The following CD83 variants were observed in gnomAD, a reference collection of about 807,000 sequenced individuals.
The protein encoded by CD83 is CD83 antigen.
Under a neutral mutation model 24.6 loss-of-function variants are expected in CD83, and 22 were observed. The ratio of observed to expected loss-of-function variants is 0.90; its 90% CI spans 0.64 to 1.28. The LOEUF is 1.28. CD83 is among the 50% of genes most tolerant of loss of function. The pLI is 0.00. For synonymous variants in CD83, 101 were observed against 103.5 expected, an observed-to-expected ratio of 0.98 and a Z score of 0.14; for missense variants, 253 against 252.8, an observed-to-expected ratio of 1.00 and a Z score of -0.01.
At chr6:14,133,851 G>A (rs1757982639) in intron 4 of CD83, 96 bp downstream of exon 4, 1 of 813,538 alleles carries the variant, frequency 1.2e-6, no homozygotes, top group Non-Finnish European at 2.0e-6. Flanking sequence ...TTTAATAATG[G>A]TGAGAGAGAT....
chr6:14,118,026 C>T lies in CD83; in HGVS notation c.114C>T (p.Pro38=). The stretch of plus-strand genomic sequence containing the variant: ...ATGTGGACTTGCCCTGCACCGCCCC[C>T]TGGGATCCGCAGGTTCCCTACACGG... ...SEDVDLPCTA[P]WDPQVPYTVS... Residue 38 remains proline, a synonymous_variant, in exon 2 of 5, where the codon CCC becomes CCT. Transcript: ENST00000379153. 6.2e-7 allele frequency: 1 copy of T among 1,610,782 alleles called. No individual in the cohort carries two copies. Among genetic ancestry groups the T allele is most frequent in the Non-Finnish European group, 8.5e-7 (1 of 1,179,110 alleles).
At position 14,129,269 on chromosome 6, in the gene CD83, A is replaced by G. The variant is rs1191042173; in HGVS notation, c.154-2251A>G. Among the ~76,000 whole-genome samples, 1 of 152,220 alleles carries G rather than the reference A, an allele frequency of 6.6e-6. No individual in the cohort carries two copies. Among genetic ancestry groups the G allele is most frequent in the African/African-American group, 2.4e-5 (1 of 41,458 alleles). ...AAACTGGCCTTTCAGGCCATCCTAG[A>G]CACAGATTGGCCCTGGATGGGCCTC... On this transcript the variant is annotated intron_variant, in intron 2 of 4. Coordinates refer to ENST00000379153, the MANE Select transcript of CD83 (RefSeq NM_004233.4). This position sits in a 1 kb window ranked among gnomAD's most constrained non-coding sequence, Gnocchi z 4.3.
intron 2 of CD83, among the ~76,000 whole-genome samples, chr6:14,121,762 G>A (rs1298061376): frequency 3.9e-5 from 6 of 152,026 alleles, no homozygotes; most frequent in Non-Finnish European, 8.8e-5. Flanking sequence ...AAAGGGCATA[G>A]CACAATATCA....
At chr6:14,120,639 A>T (rs1181414062) in intron 2 of CD83, among the ~76,000 whole-genome samples, 1 of 152,234 alleles carries the variant, frequency 6.6e-6, no homozygotes. Flanking sequence ...CACCAGATTG[A>T]AGCACATTCT....
Position 14,136,701 on chromosome 6 carries a change from T to G in CD83, c.*1465T>G, listed in dbSNP as rs1215505803. 1 of 152,218 alleles carries G rather than the reference T, an allele frequency of 6.6e-6. No homozygotes were observed. The highest frequency in any genetic ancestry group is 2.4e-5 in the African/African-American group (1 of 41,442). The allele number at this position is 152,218 out of a possible 1,614,324, so 9.4% of individuals were successfully genotyped here. ...AGAAAGGGTGTTTTTCTGTTTTATA[T>G]TCAACTCATAAGACTTTGGGATAGG... On this transcript the variant is annotated 3_prime_UTR_variant, in exon 5 of 5. Transcript: ENST00000379153.
At position 14,133,710 on chromosome 6, in the gene CD83, G is replaced by C; in HGVS notation, c.444G>C (p.Leu148=). The C allele has an allele frequency of 6.2e-7, 1 of 1,613,664 alleles. No individual in the cohort carries two copies. Among genetic ancestry groups the C allele is most frequent in the Non-Finnish European group, 8.5e-7 (1 of 1,179,634 alleles). The part of the protein sequence containing the change: ...FKKYRAEIVL[L]LALVIFYLTL... ...AATACAGAGCGGAGATTGTCCTGCT[G>C]CTGGCTCTGGTTATTTTCTACTTAA... The change falls in exon 4 of 5, where the codon CTG becomes CTC. Residue 148 remains leucine, a synonymous_variant. Coordinates refer to ENST00000379153, the MANE Select transcript of CD83 (RefSeq NM_004233.4).
chr6:14,133,801 G>T (rs1757981235), intron 4 of CD83, 46 bp downstream of exon 4: 1 of 1,242,658 alleles, frequency 8.0e-7, no homozygotes. Flanking sequence ...AGATTACCCA[G>T]GGCACCAATC....
intron 2 of CD83, among the ~76,000 whole-genome samples, 192 bp downstream of exon 2, chr6:14,118,257 A>T (rs571061732): frequency 6.6e-6 from 1 of 152,238 alleles, no homozygotes; most frequent in African/African-American, 2.4e-5. Flanking sequence ...ACAGGGCCGA[A>T]TTAGGTTTTG....
intron 2 of CD83, among the ~76,000 whole-genome samples, chr6:14,118,283 A>G: frequency 6.6e-6 from 1 of 152,054 alleles, no homozygotes; most frequent in African/African-American, 2.4e-5. Context: ...CGCAGACCTC[A>G]ATCCCCTTCC....
chr6:14,118,228 A>C (rs530440277), intron 2 of CD83, among the ~76,000 whole-genome samples, 163 bp downstream of exon 2: 1 of 151,162 alleles, frequency 6.6e-6, no homozygotes, highest in South Asian at 2.1e-4. Context: ...CGCCTCCCCC[A>C]CCCCATCCGC....
At chr6:14,132,445 T>C (rs1339277087) in intron 3 of CD83, among the ~76,000 whole-genome samples, 2 of 152,216 alleles carry the variant, frequency 1.3e-5, no homozygotes, top group African/African-American at 4.8e-5. Flanking sequence ...ATGGCGATAT[T>C]GCCTACAACT....
chr6:14,117,795 G>C lies in CD83; in HGVS notation c.-17G>C. ...CCACAGCTCTGCAGCTCGTGGCAGC[G>C]GCGCAGCGCTCCAGCCATGTCGCGC... On this transcript the variant is annotated 5_prime_UTR_variant, in exon 1 of 5. Transcript: ENST00000379153. The surrounding 1 kb of genome is among the most constrained non-coding windows in gnomAD (Gnocchi z 4.6). The C allele has an allele frequency of 6.6e-7, 1 of 1,504,484 alleles. No individual in the cohort carries two copies. The allele number at this position is 1,504,484 out of a possible 1,614,324, so 93.2% of individuals were successfully genotyped here.
chr6:14,117,719 C>A (rs1321834520), upstream of CD83: 2 of 913,214 alleles, frequency 2.2e-6, no homozygotes, highest in Non-Finnish European at 3.0e-6. The surrounding 1 kb of genome is among the most constrained non-coding windows in gnomAD (Gnocchi z 4.6). Flanking sequence ...GGCTGGCGCG[C>A]AGGGAAGTTC....
At position 14,118,031 on chromosome 6, in the gene CD83, AT is replaced by A; in HGVS notation, c.120del (p.Pro41ArgfsTer52). The A allele has an allele frequency of 6.2e-7, 1 of 1,610,460 alleles. No individual in the cohort carries two copies. On this transcript the variant is annotated frameshift_variant, in exon 2 of 5. Transcript: ENST00000379153. LOFTEE classifies it high-confidence loss of function. ...DVDLPCTAPW[D>X]PQVPYTVSWV... ...GACTTGCCCTGCACCGCCCCCTGGG[AT>A]CCGCAGGTTCCCTACACGGTCTCCT...
At chr6:14,117,764 C>T (rs770300340), upstream of CD83, 12 of 1,353,536 alleles carry the variant, frequency 8.9e-6, 1 homozygote, top group South Asian at 1.2e-4. This position sits in a 1 kb window ranked among gnomAD's most constrained non-coding sequence, Gnocchi z 4.6. Context: ...AGCCGGCGCC[C>T]GCGCGCCACA....
At chr6:14,122,833 G>A (rs1262648461) in intron 2 of CD83, among the ~76,000 whole-genome samples, 1 of 152,210 alleles carries the variant, frequency 6.6e-6, no homozygotes, top group Non-Finnish European at 1.5e-5. Context: ...GCCTGGCATT[G>A]GCCATCTCAG....
intron 2 of CD83, among the ~76,000 whole-genome samples, chr6:14,120,895 G>T (rs2113386450): frequency 6.6e-6 from 1 of 152,268 alleles, no homozygotes; most frequent in East Asian, 1.9e-4. Flanking sequence ...TGTTCATTCT[G>T]TTCTCTCTGT....
At position 14,135,953 on chromosome 6, in the gene CD83, A is replaced by G. The variant is rs1243523646; in HGVS notation, c.*717A>G. 3 of 152,232 alleles carry G rather than the reference A, an allele frequency of 2.0e-5. No individual in the cohort carries two copies. The highest frequency in any genetic ancestry group is 4.4e-5 in the Non-Finnish European group (3 of 68,050). The allele number at this position is 152,232 out of a possible 1,614,324, so 9.4% of individuals were successfully genotyped here. Reference sequence around the variant, plus strand: ...TTGAAATCTGTATCTGTAGTGAGATAGCATTGTGAACTGACAGGCAGCCTG... The same window carrying G: ...TTGAAATCTGTATCTGTAGTGAGATGGCATTGTGAACTGACAGGCAGCCTG... On this transcript the variant is annotated 3_prime_UTR_variant, in exon 5 of 5. Transcript: ENST00000379153.
In CD83 at chr6:14,129,861, G is replaced by GTGTGTA. The variant is rs1041217971; in HGVS notation, c.154-1656_154-1655insGTATGT. ...TGTGTGTGTGTGTGTGTGTGTGTGTGTGTATACGAGTGCACACGTGCCCAT... is the reference window on the plus strand; with the variant it reads ...TGTGTGTGTGTGTGTGTGTGTGTGTGTGTGTATGTATACGAGTGCACACGTGCCCAT... On this transcript the variant is annotated intron_variant, in intron 2 of 4. Coordinates refer to ENST00000379153, the MANE Select transcript of CD83 (RefSeq NM_004233.4). The surrounding 1 kb of genome is among the most constrained non-coding windows in gnomAD (Gnocchi z 4.3). Among the ~76,000 whole-genome samples, 3 of 148,616 alleles carry GTGTGTA rather than the reference G, an allele frequency of 2.0e-5. No homozygotes were observed. The highest frequency in any genetic ancestry group is 6.7e-5 in the Admixed American group (1 of 14,974).
Sources: gnomAD v4.1 joint callset for allele counts (sites outside exome capture counted in the v4.1 genomes callset) on GRCh38, gnomAD v4.1.1 for gene constraint, Gnocchi (gnomAD v3.1) non-coding constraint, MANE v1.5 for transcripts, NCBI Gene and HGNC (gene_info 2026-07-23, HGNC 2026-07-21) for gene names.